The following FLT1 variants were observed in gnomAD, a reference collection of about 807,000 sequenced individuals.
The protein encoded by FLT1 is vascular endothelial growth factor receptor 1.
A neutral mutation model predicts 156.3 loss-of-function variants in FLT1; 49 were observed. That is an observed-to-expected ratio of 0.31 (90% CI 0.25 to 0.40). The LOEUF (loss-of-function observed/expected upper bound fraction) is 0.40, where lower values mean the gene tolerates loss of function less well. Ranked by LOEUF, FLT1 falls within the 10% of genes least tolerant of loss-of-function variation. The probability of loss-of-function intolerance (pLI) is 1.00; values close to 1 mark genes in which losing one functional copy is unlikely to be tolerated. For missense variants in FLT1, 1,322 were observed against 1,637.2 expected (o/e 0.81, Z 3.32); for synonymous variants, 594 against 583.8 (o/e 1.02, Z -0.25).
intron 28 of FLT1, chr13:28,308,451 C>CGGTGG: frequency 5.0e-5 from 16 of 321,962 alleles, no homozygotes; most frequent in Middle Eastern, 1.1e-3. Context: ...AGGTGGACCC[C>CGGTGG]TCCCAGCCTC....
intron 16 of FLT1, among the ~76,000 whole-genome samples, chr13:28,344,986 A>G (rs1872511587): frequency 1.3e-5 from 2 of 151,450 alleles, no homozygotes; most frequent in South Asian, 2.1e-4. Context: ...AATTTTTTGT[A>G]GAGTCAGGGT....
rs189940244 is a variant in FLT1, at chr13:28,462,138, G to C, written c.388+4765C>G. ...GAGATATAAGCTAACTTCACAGTGT[G>C]GGGAGCTCAACACCCTAAGTTTAAG... is the stretch of plus-strand genomic sequence containing the variant. On this transcript the variant is annotated intron_variant, in intron 3 of 29. Coordinates refer to ENST00000282397, the MANE Select transcript of FLT1 (RefSeq NM_002019.4). 6.4e-3 allele frequency among the ~76,000 whole-genome samples: 974 copies of C among 152,262 alleles called. 6 individuals carry two copies. The highest frequency in any genetic ancestry group is 0.013 in the Admixed American group (192 of 15,298).
Position 28,303,015 on chromosome 13 carries a change from A to C in FLT1, c.*152T>G, listed in dbSNP as rs1870575656. On this transcript the variant is annotated 3_prime_UTR_variant, in exon 30 of 30. Transcript: ENST00000282397. ...GAGTTACATTCTTGTTAGTCAAAAA[A>C]AAAAAAGCACTATTAAAAAAATCAC... 1.5e-6 allele frequency: 1 copy of C among 650,498 alleles called. No individual in the cohort carries two copies. Among genetic ancestry groups the C allele is most frequent in the Non-Finnish European group, 2.6e-6 (1 of 381,614 alleles). 40.3% of individuals were successfully genotyped at this position (650,498 alleles called of 1,614,324 possible). A position where few individuals can be genotyped will look rare whatever the true frequency, so the allele number is the denominator to read the frequency against.
At chr13:28,362,285 C>A (rs566720007) in intron 14 of FLT1, among the ~76,000 whole-genome samples, 1 of 152,264 alleles carries the variant, frequency 6.6e-6, no homozygotes, top group South Asian at 2.1e-4. Flanking sequence ...GAGAATAATA[C>A]CTGCTCCACC....
At position 28,468,662 on chromosome 13, in the gene FLT1, T is replaced by G. The variant is rs1453531974; in HGVS notation, c.65-1045A>C. ...TCATGCATGGCATGGTGCTGTTGTT[T>G]AGATCTGATTATCTGAAAGTGTGTG... On this transcript the variant is annotated intron_variant, in intron 1 of 29. Transcript: ENST00000282397. 4.6e-5 allele frequency among the ~76,000 whole-genome samples: 7 copies of G among 152,258 alleles called. No individual in the cohort carries two copies. In the South Asian group the frequency reaches 1.5e-3, roughly 32 times the overall value.
At chr13:28,404,614 C>A (rs1419966740) in intron 11 of FLT1, among the ~76,000 whole-genome samples, 1 of 152,122 alleles carries the variant, frequency 6.6e-6, no homozygotes, top group Non-Finnish European at 1.5e-5. Flanking sequence ...CATAAGCATA[C>A]CCACACTCAA....
chr13:28,431,246 T>C lies in FLT1; in HGVS notation c.878A>G (p.Tyr293Cys), dbSNP rs1390746894. 16 of 1,613,584 alleles carry C rather than the reference T, an allele frequency of 9.9e-6. No individual in the cohort carries two copies. Among genetic ancestry groups the C allele is most frequent in the Non-Finnish European group, 1.4e-5 (16 of 1,179,472 alleles). ...DQSNSHANIF[Y>C]SVLTIDKMQN... Reference sequence around the variant, plus strand: ...CATTTTGTCAATAGTAAGAACACTGTAGAATATGTTGGCATGGGAATTGCT... The same window carrying C: ...CATTTTGTCAATAGTAAGAACACTGCAGAATATGTTGGCATGGGAATTGCT... Residue 293 changes from tyrosine (Y) to cysteine (C), a missense_variant, in exon 7 of 30, where the codon TAC becomes TGC. This residue lies in a region of FLT1 where 991 missense variants were observed against 1,254.8 expected (regional missense o/e 0.79). Transcript: ENST00000282397.
chr13:28,414,477 A>G (rs1876527074), intron 10 of FLT1, among the ~76,000 whole-genome samples: 1 of 152,260 alleles, frequency 6.6e-6, no homozygotes, highest in East Asian at 1.9e-4. Flanking sequence ...CATAAGGGAA[A>G]TAATTTAAAT....
intron 15 of FLT1, among the ~76,000 whole-genome samples, chr13:28,357,247 C>A (rs1222438183): frequency 6.6e-6 from 1 of 152,022 alleles, no homozygotes; most frequent in African/African-American, 2.4e-5. Context: ...ACTACTCTGG[C>A]CACTCTCTGT....
rs61763185 is a variant in FLT1, at chr13:28,390,323, G to A, written c.1661-219C>T. ...AAATGCAAAACAGAATAGTTATTAG[G>A]ATGGCATTTTCTCCTGATTCACGTG... On this transcript the variant is annotated intron_variant, in intron 12 of 29. Transcript: ENST00000282397. 8.5e-3 allele frequency among the ~76,000 whole-genome samples: 1,298 copies of A among 152,294 alleles called. 21 individuals carry two copies. The highest frequency in any genetic ancestry group is 0.03 in the African/African-American group (1,235 of 41,568).
intron 8 of FLT1, among the ~76,000 whole-genome samples, chr13:28,429,457 C>T (rs1226438341): frequency 6.6e-6 from 1 of 152,146 alleles, no homozygotes; most frequent in Non-Finnish European, 1.5e-5. Context: ...TGTTTTACAT[C>T]AGGTGTTGTA....
intron 1 of FLT1, among the ~76,000 whole-genome samples, chr13:28,478,458 G>T (rs1880669768): frequency 6.6e-6 from 1 of 152,156 alleles, no homozygotes. Flanking sequence ...GATCCCTGTG[G>T]GTTCCCTTAG....
intron 3 of FLT1, among the ~76,000 whole-genome samples, chr13:28,466,165 G>A (rs1879838222): frequency 6.6e-6 from 1 of 152,020 alleles, no homozygotes; most frequent in East Asian, 1.9e-4. Flanking sequence ...CTTTCTCAGG[G>A]TTCCAATTTT....
intron 13 of FLT1, chr13:28,389,211 A>T: frequency 9.1e-7 from 1 of 1,103,380 alleles, no homozygotes; most frequent in Non-Finnish European, 1.1e-6. Context: ...GCTATTTACA[A>T]ATCAAGAGCA....
At chr13:28,477,352 C>A (rs1393581707) in intron 1 of FLT1, among the ~76,000 whole-genome samples, 1 of 152,178 alleles carries the variant, frequency 6.6e-6, no homozygotes, top group Non-Finnish European at 1.5e-5. Context: ...CTCCTGCTGA[C>A]CAAGGAGTTA....
intron 15 of FLT1, among the ~76,000 whole-genome samples, chr13:28,352,941 A>C (rs1205195425): frequency 1.3e-5 from 2 of 152,222 alleles, no homozygotes; most frequent in Non-Finnish European, 2.9e-5. Flanking sequence ...GGCAATAGAA[A>C]GCAGTGACTG....
At chr13:28,404,702 G>A (rs1294471156) in intron 11 of FLT1, among the ~76,000 whole-genome samples, 1 of 152,132 alleles carries the variant, frequency 6.6e-6, no homozygotes, top group East Asian at 1.9e-4. Context: ...TCAGCAAGGG[G>A]ATACTTGATA....
At chr13:28,381,991 G>A (rs748279357) in intron 14 of FLT1, among the ~76,000 whole-genome samples, 1 of 152,096 alleles carries the variant, frequency 6.6e-6, no homozygotes, top group Non-Finnish European at 1.5e-5. Flanking sequence ...ACATAAATAA[G>A]ACAAATAAGA....
At chr13:28,455,147 C>T (rs1268327941) in intron 3 of FLT1, among the ~76,000 whole-genome samples, 4 of 152,158 alleles carry the variant, frequency 2.6e-5, no homozygotes, top group Non-Finnish European at 4.4e-5. Flanking sequence ...TATGGACAAA[C>T]TGATCCTAAA....
Sources: gnomAD v4.1 joint callset for allele counts (sites outside exome capture counted in the v4.1 genomes callset) on GRCh38, gnomAD v4.1.1 for gene constraint, gnomAD v4.1.1 regional missense constraint, MANE v1.5 for transcripts, NCBI Gene and HGNC (gene_info 2026-07-23, HGNC 2026-07-21) for gene names.